The following IGSF9 variants were observed in gnomAD, a reference collection of about 807,000 sequenced individuals.
IGSF9 encodes the protein protein turtle homolog A.
A neutral mutation model predicts 121.7 loss-of-function variants in IGSF9; 87 were observed. The ratio of observed to expected loss-of-function variants is 0.71; its 90% CI spans 0.60 to 0.85. The LOEUF (loss-of-function observed/expected upper bound fraction) is 0.85. Among genes scored for constraint, IGSF9 ranks in the 40% least tolerant of loss-of-function variants. The probability of loss-of-function intolerance (pLI) is 0.00; values close to 1 mark genes in which losing one functional copy is unlikely to be tolerated. For missense variants in IGSF9, 1,462 were observed against 1,565.3 expected (o/e 0.93, Z 1.11); for synonymous variants, 640 against 648.4 (o/e 0.99, Z 0.20).
chr1:159,943,107 C>T lies in IGSF9; in HGVS notation c.103G>A (p.Glu35Lys). The T allele has an allele frequency of 6.2e-7, 1 of 1,603,798 alleles. No individual in the cohort carries two copies. The highest frequency in any genetic ancestry group is 1.8e-5 in the Admixed American group (1 of 56,560). The stretch of plus-strand genomic sequence containing the variant: ...AGGTCACAGCCCAGCACCACACTCT[C>T]CCCAGCCCGGCCCACCACCGATACC... ...EVVSVVGRAG[E>K]SVVLGCDLLP... The change falls in exon 3 of 21, where the codon GAG (glutamate) becomes AAG (lysine). Residue 35 changes from glutamate to lysine, a missense_variant. Glu to Lys is a moderately conservative substitution (Grantham distance 56, BLOSUM62 1). Transcript: ENST00000368094.
At chr1:159,929,143 C>A in intron 18 of IGSF9, 125 bp from the exon 19 acceptor site, 1 of 1,387,760 alleles carries the variant, frequency 7.2e-7, no homozygotes, top group African/African-American at 1.4e-5. Context: ...GAGGAAAGGA[C>A]CAACAAGGTG....
At chr1:159,934,846 A>T in intron 6 of IGSF9, 24 bp from the exon 7 acceptor site, 1 of 1,613,310 alleles carries the variant, frequency 6.2e-7, no homozygotes. Context: ...AAGGGGAGGA[A>T]GGTGGCCTCA....
intron 3 of IGSF9, among the ~76,000 whole-genome samples, chr1:159,942,066 C>A (rs1379595761): frequency 6.6e-6 from 1 of 152,352 alleles, no homozygotes; most frequent in East Asian, 1.9e-4. Flanking sequence ...TCCCAGGTGG[C>A]CTTTCCTGGG....
intron 3 of IGSF9, among the ~76,000 whole-genome samples, chr1:159,939,341 C>T (rs779763587): frequency 1.8e-4 from 27 of 152,208 alleles, no homozygotes; most frequent in Non-Finnish European, 3.1e-4. Flanking sequence ...GATCCTCTTG[C>T]CTCAGCCTCT....
intron 5 of IGSF9, 113 bp downstream of exon 5, chr1:159,936,641 C>T: frequency 6.5e-7 from 1 of 1,528,834 alleles, no homozygotes; most frequent in Non-Finnish European, 8.9e-7. Context: ...AGCCCTTCTT[C>T]TGGCCCATCC....
Position 159,943,060 on chromosome 1 carries a change from G to GGGCC in IGSF9, c.146_149dup (p.Pro51AlafsTer29), listed in dbSNP as rs757410598. The GGGCC allele has an allele frequency of 3.1e-6, 5 of 1,613,216 alleles. No individual in the cohort carries two copies. Among genetic ancestry groups the GGGCC allele is most frequent in the Middle Eastern group, 1.7e-4 (1 of 6,056 alleles). ...GCAGCCACTCGATGACATGCAGGGG[G>GGGCC]GGCCGGCCGGCCGGGGGCAGCAGGT... On this transcript the variant is annotated frameshift_variant, in exon 3 of 21. Coordinates refer to ENST00000368094, the MANE Select transcript of IGSF9 (RefSeq NM_001135050.2). LOFTEE classifies it high-confidence loss of function.
chr1:159,936,389 C>T lies in IGSF9; in HGVS notation c.673+10G>A, dbSNP rs1392180319. 1 of 1,612,192 alleles carries T rather than the reference C, an allele frequency of 6.2e-7. No homozygotes were observed. The highest frequency in any genetic ancestry group is 8.5e-7 in the Non-Finnish European group (1 of 1,178,434). On this transcript the variant is annotated intron_variant, in intron 6 of 20. Transcript: ENST00000368094. ...TAACCCTGGACCCCAGCCCTCCCGC[C>T]AGAGAGCACCTAGCACTAGCAGCTG...
rs113302597 is a variant in IGSF9, at chr1:159,938,216, G to A, written c.248-378C>T. On this transcript the variant is annotated intron_variant, in intron 3 of 20. Transcript: ENST00000368094. ...GTCCACCTCTGGGCTCTTTATGTAG[G>A]GGAAGGTGTGAGCTCCTGGGAGTAC... Among the ~76,000 whole-genome samples, 205 of 152,264 alleles carry A rather than the reference G, an allele frequency of 1.3e-3. 3 individuals are homozygous for A. The Middle Eastern group carries it at 0.014, about 10-fold the overall frequency.
chr1:159,932,446 C>A lies in IGSF9; in HGVS notation c.1245+66G>T. The A allele has an allele frequency of 9.4e-7, 1 of 1,065,194 alleles. No homozygotes were observed. Among genetic ancestry groups the A allele is most frequent in the South Asian group, 1.3e-5 (1 of 79,910 alleles). The allele number at this position is 1,065,194 out of a possible 1,614,324, so 66.0% of individuals were successfully genotyped here. A position where few individuals can be genotyped will look rare whatever the true frequency, so the allele number is the denominator to read the frequency against. On this transcript the variant is annotated intron_variant, in intron 10 of 20. Transcript: ENST00000368094. The surrounding 1 kb of genome is among the most constrained non-coding windows in gnomAD (Gnocchi z 4.1). The stretch of plus-strand genomic sequence containing the variant: ...CCCCACCCCACCCCCATCAGCCTGG[C>A]CTTAGCACCATCTCCAGCCATCTGA...
intron 3 of IGSF9, among the ~76,000 whole-genome samples, chr1:159,941,232 C>G (rs923911322): frequency 6.6e-6 from 1 of 152,228 alleles, no homozygotes; most frequent in African/African-American, 2.4e-5. Context: ...GACCCATCTC[C>G]CCTTCACTGC....
rs575352607 is a variant in IGSF9, at chr1:159,927,095, C to CAG, written c.*249_*250insCT. 5,059 of 448,856 alleles carry CAG rather than the reference C, an allele frequency of 0.011. 24 individuals carry two copies. The highest frequency in any genetic ancestry group is 0.016 in the Admixed American group (407 of 25,640). The allele number at this position is 448,856 out of a possible 1,614,324, so 27.8% of individuals were successfully genotyped here. A position where few individuals can be genotyped will look rare whatever the true frequency, so the allele number is the denominator to read the frequency against. On this transcript the variant is annotated 3_prime_UTR_variant, in exon 21 of 21. Coordinates refer to ENST00000368094, the MANE Select transcript of IGSF9 (RefSeq NM_001135050.2). ...AAAACTTCACACACACACACACACA[C>CAG]ACAGAGAGAGAGAGAGAGAGAGAGA...
intron 14 of IGSF9, 102 bp from the exon 15 acceptor site, chr1:159,930,541 G>A: frequency 6.6e-7 from 1 of 1,521,632 alleles, no homozygotes; most frequent in East Asian, 2.3e-5. Flanking sequence ...AACCCCTGAA[G>A]ACAAGCTCAA....
intron 9 of IGSF9, 108 bp downstream of exon 9, chr1:159,934,082 G>T (rs1362791454): frequency 4.0e-6 from 5 of 1,247,244 alleles, no homozygotes; most frequent in Admixed American, 4.5e-5. Flanking sequence ...CACAAAAGAT[G>T]TGTGTCCCCA....
At chr1:159,933,090 G>A (rs1345274681) in intron 9 of IGSF9, 1 of 158,334 alleles carries the variant, frequency 6.3e-6, no homozygotes, top group East Asian at 1.9e-4. Context: ...TCCCCCTGGT[G>A]AAATACTCAC....
rs776073410 is a variant in IGSF9 at position 159,928,340 on chromosome 1, G to A, written c.3048C>T (p.Ala1016=). The A allele has an allele frequency of 2.5e-6, 4 of 1,609,928 alleles. No homozygotes were observed. In the South Asian group the frequency reaches 4.4e-5, roughly 18 times the overall value. Residue 1016 remains alanine, a synonymous_variant, in exon 19 of 21, where the codon GCC becomes GCT. Transcript: ENST00000368094. ...ERLLPGLLPA[A]PRGSLTSQSS... is the part of the protein sequence containing the mutation. ...TCTGGCTGGTGAGGCTGCCTCGAGGGGCAGCAGGGAGAAGGCCTGGCAGCA... is the reference window on the plus strand; with the variant it reads ...TCTGGCTGGTGAGGCTGCCTCGAGGAGCAGCAGGGAGAAGGCCTGGCAGCA...
Position 159,927,087 on chromosome 1 carries a change from CACACACACACAGAG to C in IGSF9, c.*244_*257del. 1 of 530,992 alleles carries C rather than the reference CACACACACACAGAG, an allele frequency of 1.9e-6. No individual in the cohort carries two copies. Among genetic ancestry groups the C allele is most frequent in the Non-Finnish European group, 3.3e-6 (1 of 300,906 alleles). The allele number at this position is 530,992 out of a possible 1,614,324, so 32.9% of individuals were successfully genotyped here. ...ACCTGTAAAAAACTTCACACACACA[CACACACACACAGAG>C]AGAGAGAGAGAGAGAGAGAGAGAGA... On this transcript the variant is annotated 3_prime_UTR_variant, in exon 21 of 21. Coordinates refer to ENST00000368094, the MANE Select transcript of IGSF9 (RefSeq NM_001135050.2).
chr1:159,929,376 A>G lies in IGSF9; in HGVS notation c.2344T>C (p.Ser782Pro). 6.2e-7 allele frequency: 1 copy of G among 1,614,156 alleles called. No homozygotes were observed. The highest frequency in any genetic ancestry group is 8.5e-7 in the Non-Finnish European group (1 of 1,180,010). Residue 782 changes from serine to proline, a missense_variant, in exon 18 of 21, where the codon TCT becomes CCT. Around this residue, in one of 3 missense-constraint regions of IGSF9, gnomAD observed 808 missense variants for 815.2 expected, o/e 0.99. Transcript: ENST00000368094. ...RLRQDPPLIF[S>P]PTGKSAAPSA... is the part of the protein sequence containing the mutation. ...GGTGCAGCTGACTTCCCGGTCGGAG[A>G]GAAGATAAGAGGTGGATCTGGAAGG...
Position 159,934,695 on chromosome 1 carries a change from A to G in IGSF9, c.801T>C (p.Asn267=). 3 of 1,614,228 alleles carry G rather than the reference A, an allele frequency of 1.9e-6. No individual in the cohort carries two copies. The highest frequency in any genetic ancestry group is 2.5e-6 in the Non-Finnish European group (3 of 1,180,024). Reference sequence around the variant, plus strand: ...GGTGACCCCACCTAATGTGGAAGACATTGATGTTGTCCTGGAACCAGCTGT... The same window carrying G: ...GGTGACCCCACCTAATGTGGAAGACGTTGATGTTGTCCTGGAACCAGCTGT... ...LTYSWFQDNI[N]VFHISRLQPR... The change falls in exon 7 of 21, where the codon AAT becomes AAC. Residue 267 remains asparagine, a synonymous_variant. Transcript: ENST00000368094.
chr1:159,939,591 G>T (rs893755920), intron 3 of IGSF9, among the ~76,000 whole-genome samples: 8 of 152,192 alleles, frequency 5.3e-5, no homozygotes, highest in African/African-American at 1.9e-4. Flanking sequence ...GTCCACTCCA[G>T]CTCTTCCTAA....
Sources: allele counts gnomAD v4.1 joint callset (sites outside exome capture counted in the v4.1 genomes callset), GRCh38; gene constraint gnomAD v4.1.1; regional missense constraint gnomAD v4.1.1; non-coding constraint Gnocchi (gnomAD v3.1); transcripts MANE v1.5; gene names NCBI Gene and HGNC (gene_info 2026-07-23, HGNC 2026-07-21).